The following PCDHGA2 variants were observed in gnomAD, a reference collection of about 807,000 sequenced individuals.
The protein encoded by PCDHGA2 is protocadherin gamma subfamily A, 2, also known as protocadherin gamma-A2.
In PCDHGA2, 40 loss-of-function variants were observed where a neutral mutation model predicts 59.2. The observed-to-expected ratio is 0.68, with a 90% CI of 0.52 to 0.88. PCDHGA2 has a LOEUF of 0.88. Ranked by LOEUF, PCDHGA2 falls within the 40% of genes least tolerant of loss-of-function variation. PCDHGA2 has a pLI of 0.00. For synonymous variants in PCDHGA2, 560 were observed against 526.0 expected (o/e 1.06, Z -0.89); for missense variants, 1,226 against 1,204.0 (o/e 1.02, Z -0.27).
intron 1 of PCDHGA2, chr5:141,351,013 C>T (rs767340665): frequency 1.2e-5 from 20 of 1,613,944 alleles, no homozygotes; most frequent in African/African-American, 1.2e-4. Context: ...TCCAAGAAAA[C>T]GTACCGTGGG....
chr5:141,360,178 C>T (rs1291288945), intron 1 of PCDHGA2: 2 of 1,609,980 alleles, frequency 1.2e-6, no homozygotes, highest in African/African-American at 1.3e-5. Context: ...GCGGTGGCTG[C>T]AGGTACTGTT....
chr5:141,352,373 C>T, intron 1 of PCDHGA2: 1 of 1,614,052 alleles, frequency 6.2e-7, no homozygotes, highest in Non-Finnish European at 8.5e-7. Flanking sequence ...CGCGGTGATT[C>T]TAGCGATCGC....
intron 1 of PCDHGA2, among the ~76,000 whole-genome samples, chr5:141,473,871 T>A (rs2099330260): frequency 1.3e-5 from 2 of 152,190 alleles, no homozygotes; most frequent in Admixed American, 6.5e-5. Context: ...TTGTGGAGAA[T>A]GCATACACAA....
rs764156663 is a variant in PCDHGA2 at position 141,382,871 on chromosome 5, G to A, written c.2424+41476G>A. 2.6e-6 allele frequency: 4 copies of A among 1,520,506 alleles called. No individual in the cohort carries two copies. The South Asian group carries it at 4.0e-5, about 15-fold the overall frequency. 94.2% of individuals were successfully genotyped at this position (1,520,506 alleles called of 1,614,324 possible). On this transcript the variant is annotated intron_variant, in intron 1 of 3. Coordinates refer to ENST00000394576, the MANE Select transcript of PCDHGA2 (RefSeq NM_018915.4). ...GCATTCTGAAGCACTTCCCGAGATC[G>A]GCGCCTAAGCAAGAGAAGCAGGACG... is the stretch of plus-strand genomic sequence containing the variant.
chr5:141,466,121 C>CA (rs908379481), intron 1 of PCDHGA2, among the ~76,000 whole-genome samples: 24 of 146,876 alleles, frequency 1.6e-4, no homozygotes, highest in East Asian at 8.0e-4. Context: ...GACTCCAGCT[C>CA]AAAAAAAAAA....
intron 1 of PCDHGA2, chr5:141,350,480 G>C (rs371176166): frequency 5.0e-6 from 8 of 1,614,016 alleles, no homozygotes; most frequent in Non-Finnish European, 5.9e-6. Context: ...TTATTTCAAC[G>C]TTAGTTTGGA....
chr5:141,392,962 A>G, intron 1 of PCDHGA2: 1 of 1,613,902 alleles, frequency 6.2e-7, no homozygotes, highest in Admixed American at 1.7e-5. Context: ...AATATCTCCA[A>G]GGACCTGGGG....
At chr5:141,397,642 T>A (rs1015821056) in intron 1 of PCDHGA2, among the ~76,000 whole-genome samples, 1 of 152,236 alleles carries the variant, frequency 6.6e-6, no homozygotes, top group African/African-American at 2.4e-5. Context: ...GTTCAAGGTA[T>A]GTTTGCAGAA....
At chr5:141,343,988 A>G in intron 1 of PCDHGA2, 1 of 1,461,352 alleles carries the variant, frequency 6.8e-7, no homozygotes. Flanking sequence ...AGTCCGTCGT[A>G]GGAAACTGGA....
Position 141,490,973 on chromosome 5 carries a change from G to A in PCDHGA2, c.2425-3834G>A, listed in dbSNP as rs774983500. 5.0e-6 allele frequency: 8 copies of A among 1,613,932 alleles called. No homozygotes were observed. The highest frequency in any genetic ancestry group is 2.2e-5 in the East Asian group (1 of 44,878). On this transcript the variant is annotated intron_variant, in intron 1 of 3. Transcript: ENST00000394576. The surrounding 1 kb of genome is among the most constrained non-coding windows in gnomAD (Gnocchi z 5.4). ...GACTGGGAACACTCAGCCCCCCAGC[G>A]TCTCCCTCGCTCTGCTCCTCCTGGC...
chr5:141,506,815 A>G (rs2099856451), intron 3 of PCDHGA2, among the ~76,000 whole-genome samples: 1 of 152,214 alleles, frequency 6.6e-6, no homozygotes, highest in African/African-American at 2.4e-5. Flanking sequence ...GCATTGCCCT[A>G]TATCATGAAC....
rs762061396 is a variant in PCDHGA2, at chr5:141,346,130, G to A, written c.2424+4735G>A. ...TGTACCTGGTGGTGGCGGTGGCCGC[G>A]GTCTCCTGCGTCTTCCTGGCCTTCG... On this transcript the variant is annotated intron_variant, in intron 1 of 3. Coordinates refer to ENST00000394576, the MANE Select transcript of PCDHGA2 (RefSeq NM_018915.4). 1.9e-5 allele frequency: 30 copies of A among 1,613,802 alleles called. No homozygotes were observed. The African/African-American group carries it at 2.9e-4, about 16-fold the overall frequency.
At position 141,485,142 on chromosome 5, in the gene PCDHGA2, A is replaced by C. The variant is rs979255582; in HGVS notation, c.2425-9665A>C. 5 of 1,554,566 alleles carry C rather than the reference A, an allele frequency of 3.2e-6. No homozygotes were observed. The highest frequency in any genetic ancestry group is 3.5e-6 in the Non-Finnish European group (4 of 1,131,592). On this transcript the variant is annotated intron_variant, in intron 1 of 3. Transcript: ENST00000394576. The surrounding 1 kb of genome is among the most constrained non-coding windows in gnomAD (Gnocchi z 5.7). ...GGCGGGTCGGCTTCATCCGCGTCTC[A>C]GGAGCAAGTAGAGAATTAGCGGGCG... is the stretch of plus-strand genomic sequence containing the variant.
chr5:141,464,707 A>G (rs1052234067), intron 1 of PCDHGA2, among the ~76,000 whole-genome samples: 13 of 152,112 alleles, frequency 8.5e-5, no homozygotes, highest in African/African-American at 3.1e-4. Flanking sequence ...ATGAGGTTAA[A>G]TAGTTTTTCA....
At chr5:141,433,406 T>C (rs2097604777) in intron 1 of PCDHGA2, among the ~76,000 whole-genome samples, 1 of 149,982 alleles carries the variant, frequency 6.7e-6, no homozygotes, top group Non-Finnish European at 1.5e-5. Flanking sequence ...TATCTATCTA[T>C]TACTTTCTTG....
At chr5:141,393,378 G>C in intron 1 of PCDHGA2, 1 of 1,613,982 alleles carries the variant, frequency 6.2e-7, no homozygotes, top group Non-Finnish European at 8.5e-7. Flanking sequence ...AGACAATGGA[G>C]CCATAAACCC....
intron 1 of PCDHGA2, chr5:141,422,797 G>A (rs1037091316): frequency 2.5e-6 from 4 of 1,614,244 alleles, no homozygotes; most frequent in Non-Finnish European, 3.4e-6. Context: ...CTTCGACTAT[G>A]AGCAGTTTCG....
intron 1 of PCDHGA2, among the ~76,000 whole-genome samples, chr5:141,450,397 C>T (rs529143168): frequency 6.6e-6 from 1 of 152,300 alleles, no homozygotes; most frequent in South Asian, 2.1e-4. Flanking sequence ...TTTGTAAAGA[C>T]TAGAAGCCAT....
At chr5:141,426,174 G>A (rs1213063298) in intron 1 of PCDHGA2, 1 of 155,354 alleles carries the variant, frequency 6.4e-6, no homozygotes, top group Non-Finnish European at 1.4e-5. Flanking sequence ...ACGGATTGGG[G>A]TGCCCTCAAA....
Sources: allele counts gnomAD v4.1 joint callset (sites outside exome capture counted in the v4.1 genomes callset), GRCh38; gene constraint gnomAD v4.1.1; non-coding constraint Gnocchi (gnomAD v3.1); transcripts MANE v1.5; gene names NCBI Gene and HGNC (gene_info 2026-07-23, HGNC 2026-07-21).